MYH1: variants seen among roughly 807,000 people sequenced by gnomAD.
MYH1 encodes myosin-1.
Under a neutral mutation model 225.6 loss-of-function variants are expected in MYH1, and 214 were observed. That is an observed-to-expected ratio of 0.95 (90% CI 0.85 to 1.06). The LOEUF is 1.06. Ranked by LOEUF, MYH1 falls within the 50% of genes least tolerant of loss-of-function variation. The probability of loss-of-function intolerance (pLI) is 0.00; values close to 1 mark genes in which losing one functional copy is unlikely to be tolerated. For synonymous variants in MYH1, 774 were observed against 842.3 expected (o/e 0.92, Z 1.40); for missense variants, 2,098 against 2,344.2 (o/e 0.89, Z 2.17).
intron 14 of MYH1, among the ~76,000 whole-genome samples, chr17:10,509,872 TA>T (rs374131186): frequency 6.6e-6 from 1 of 151,394 alleles, no homozygotes; most frequent in Non-Finnish European, 1.5e-5. Flanking sequence ...TCCTATGCAA[TA>T]AAAAAAAGTT....
Position 10,497,764 on chromosome 17 carries a change from G to A in MYH1, c.4335C>T (p.Ala1445=). The change falls in exon 31 of 40, where the codon GCC becomes GCT. Residue 1445 remains alanine, a synonymous_variant. Transcript: ENST00000226207. The part of the protein sequence containing the change: ...DVERTNAACA[A]LDKKQRNFDK... The stretch of plus-strand genomic sequence containing the variant: ...CAAAGTTCCTTTGCTTTTTGTCCAG[G>A]GCGGCACAGGCAGCATTTGTCCTCT... The A allele has an allele frequency of 6.2e-7, 1 of 1,613,830 alleles. No homozygotes were observed. The highest frequency in any genetic ancestry group is 8.5e-7 in the Non-Finnish European group (1 of 1,179,952).
chr17:10,495,760 C>CAAAA lies in MYH1; in HGVS notation c.5169+186_5169+189dup, dbSNP rs3050883. ...TGAGCGACAGAGCGAGACTCCGTCTCAAAAAAAAAAAAAAAATCAACTATG... is the reference window on the plus strand; with the variant it reads ...TGAGCGACAGAGCGAGACTCCGTCTCAAAAAAAAAAAAAAAAAAAATCAACTATG... On this transcript the variant is annotated intron_variant, in intron 35 of 39. Transcript: ENST00000226207. Among the ~76,000 whole-genome samples, 178 of 42,162 alleles carry CAAAA rather than the reference C, an allele frequency of 4.2e-3. 22 individuals carry two copies. The highest frequency in any genetic ancestry group is 0.011 in the African/African-American group (153 of 13,514). 27.7% of individuals were successfully genotyped at this position (42,162 alleles called of 152,430 possible). A position where few individuals can be genotyped will look rare whatever the true frequency, so the allele number is the denominator to read the frequency against.
chr17:10,517,312 G>A (rs2073238630), intron 2 of MYH1, among the ~76,000 whole-genome samples: 1 of 152,090 alleles, frequency 6.6e-6, no homozygotes, highest in Non-Finnish European at 1.5e-5. Flanking sequence ...GTTTTGCATT[G>A]TTAAAAAATG....
intron 30 of MYH1, among the ~76,000 whole-genome samples, chr17:10,498,314 C>G (rs1476583294): frequency 6.6e-6 from 1 of 152,190 alleles, no homozygotes; most frequent in Non-Finnish European, 1.5e-5. Context: ...TTCTTGTAGG[C>G]TGTCCAACAT....
rs2286356 is a variant in MYH1 at position 10,513,709 on chromosome 17, A to G, written c.742-20T>C. 762 of 1,613,676 alleles carry G rather than the reference A, an allele frequency of 4.7e-4. 8 individuals carry two copies. The East Asian group carries it at 0.014, about 30-fold the overall frequency. ...TTTACCCTTGTAAGTAAAAAAAATG[A>G]TGTTATACCCAAAGCTTGAAGTACG... On this transcript the variant is annotated intron_variant, in intron 8 of 39. Coordinates refer to ENST00000226207, the MANE Select transcript of MYH1 (RefSeq NM_005963.4).
chr17:10,502,160 A>G (rs774439994), intron 24 of MYH1, among the ~76,000 whole-genome samples: 3 of 152,106 alleles, frequency 2.0e-5, no homozygotes, highest in Non-Finnish European at 4.4e-5. Flanking sequence ...GCATCTCCCC[A>G]CTGGAATCCA....
intron 39 of MYH1, among the ~76,000 whole-genome samples, chr17:10,493,160 A>G (rs149858939): frequency 3.0e-4 from 46 of 152,338 alleles, no homozygotes; most frequent in African/African-American, 1.0e-3. Flanking sequence ...GTGGCATTCA[A>G]ATTTAGAACA....
chr17:10,516,240 G>A lies in MYH1; in HGVS notation c.307C>T (p.Leu103=). 1 of 1,614,216 alleles carries A rather than the reference G, an allele frequency of 6.2e-7. No homozygotes were observed. The highest frequency in any genetic ancestry group is 8.5e-7 in the Non-Finnish European group (1 of 1,180,040). Residue 103 remains leucine (L), a synonymous_variant, in exon 4 of 40, where the codon CTG becomes TTG. Transcript: ENST00000226207. ...MMTHLHEPAV[L]YNLKERYAAW... ...GCGTAGCGCTCTTTGAGGTTGTACA[G>A]CACAGCAGGCTCGTGTAGATGAGTC...
intron 2 of MYH1, among the ~76,000 whole-genome samples, chr17:10,517,187 A>G (rs188059650): frequency 6.6e-6 from 1 of 152,338 alleles, no homozygotes; most frequent in Admixed American, 6.5e-5. Context: ...AACAATAGGA[A>G]TATGTTGCTA....
chr17:10,501,207 A>G lies in MYH1; in HGVS notation c.3641T>C (p.Leu1214Pro), dbSNP rs1417835465. 2.5e-6 allele frequency: 4 copies of G among 1,613,982 alleles called. No individual in the cohort carries two copies. The highest frequency in any genetic ancestry group is 3.4e-6 in the Non-Finnish European group (4 of 1,180,018). Residue 1214 changes from leucine (L) to proline (P), a missense_variant, in exon 27 of 40, where the codon CTG (leucine) becomes CCG (proline). By Grantham distance (98) the Leu-to-Pro change is moderately conservative. Coordinates refer to ENST00000226207, the MANE Select transcript of MYH1 (RefSeq NM_005963.4). ...CTCCAGCTTCTGCTTCACTCGCTGC[A>G]GGTTGTCAATCTGCTCCCCAAGCTC... ...VAELGEQIDN[L>P]QRVKQKLEKE...
Position 10,501,694 on chromosome 17 carries a change from A to G in MYH1, c.3258-10T>C. 1 of 1,614,206 alleles carries G rather than the reference A, an allele frequency of 6.2e-7. No individual in the cohort carries two copies. On this transcript the variant is annotated splice_polypyrimidine_tract_variant and intron_variant, in intron 25 of 39. Coordinates refer to ENST00000226207, the MANE Select transcript of MYH1 (RefSeq NM_005963.4). ...CATTTCAAACTCTTTCCTATTAGAA[A>G]AGCCCTTTATGTCAGTCTCAGAAAT...
intron 28 of MYH1, among the ~76,000 whole-genome samples, chr17:10,499,738 G>T (rs2073033239): frequency 6.6e-6 from 1 of 152,112 alleles, no homozygotes; most frequent in Admixed American, 6.5e-5. Context: ...TTTTATACTA[G>T]TTATCTTGAA....
At position 10,512,180 on chromosome 17, in the gene MYH1, G is replaced by C; in HGVS notation, c.1160C>G (p.Ala387Gly). The C allele has an allele frequency of 6.2e-7, 1 of 1,613,986 alleles. No homozygotes were observed. The highest frequency in any genetic ancestry group is 8.5e-7 in the Non-Finnish European group (1 of 1,179,880). The stretch of plus-strand genomic sequence containing the variant: ...AGAGTTCAGATTTTGGAGATAGGCT[G>C]CCTTGTCAGCAACTGCAGAAACATA... ...EPDGTEVADK[A>G]AYLQNLNSAD... Residue 387 changes from alanine (A) to glycine (G), a missense_variant, in exon 13 of 40, where the codon GCA (alanine) becomes GGA (glycine). Physicochemically the swap from Ala to Gly is moderately conservative, Grantham distance 60. Coordinates refer to ENST00000226207, the MANE Select transcript of MYH1 (RefSeq NM_005963.4).
Position 10,505,397 on chromosome 17 carries a change from A to C in MYH1, c.2289T>G (p.Gly763=). 1.9e-6 allele frequency: 3 copies of C among 1,614,238 alleles called. No homozygotes were observed. Among genetic ancestry groups the C allele is most frequent in the African/African-American group, 1.3e-5 (1 of 75,068 alleles). Residue 763 remains glycine, a synonymous_variant, in exon 20 of 40, where the codon GGT becomes GGG. Transcript: ENST00000226207. ...IDIDHTQYKF[G]HTKVFFKAGL... is the part of the protein sequence containing the mutation. Reference sequence around the variant, plus strand: ...ATTTACAGAATATTACCTTGGTGTGACCAAATTTATACTGGGTGTGGTCAA... The same window carrying C: ...ATTTACAGAATATTACCTTGGTGTGCCCAAATTTATACTGGGTGTGGTCAA...
In MYH1 at chr17:10,514,789, TTAAC is replaced by T. The variant is rs541561340; in HGVS notation, c.533+75_533+78del. Reference sequence around the variant, plus strand: ...TCATTCAGTGCTTTAGTAGAGAACATTAACTAATTTCTTTTTTTGGTTTGTCATT... The same window carrying T: ...TCATTCAGTGCTTTAGTAGAGAACATTAATTTCTTTTTTTGGTTTGTCATT... On this transcript the variant is annotated intron_variant, in intron 6 of 39. Coordinates refer to ENST00000226207, the MANE Select transcript of MYH1 (RefSeq NM_005963.4). The T allele has an allele frequency of 1.1e-5, 15 of 1,312,510 alleles. No individual in the cohort carries two copies. The East Asian group carries it at 3.5e-4, about 30-fold the overall frequency. The allele number at this position is 1,312,510 out of a possible 1,614,324, so 81.3% of individuals were successfully genotyped here. A position where few individuals can be genotyped will look rare whatever the true frequency, so the allele number is the denominator to read the frequency against.
intron 39 of MYH1, among the ~76,000 whole-genome samples, chr17:10,493,405 A>G (rs1401723906): frequency 6.6e-6 from 1 of 152,076 alleles, no homozygotes; most frequent in African/African-American, 2.4e-5. Flanking sequence ...TAAAATAAAA[A>G]CCATCAATGA....
intron 16 of MYH1, 125 bp downstream of exon 16, chr17:10,508,238 T>C: frequency 8.8e-7 from 1 of 1,131,608 alleles, no homozygotes; most frequent in Non-Finnish European, 1.3e-6. Flanking sequence ...GGGCTGGTCT[T>C]GAACTCCTGA....
rs747233627 is a variant in MYH1 at position 10,497,450 on chromosome 17, G to C, written c.4368C>G (p.Ile1456Met). 42 of 1,600,476 alleles carry C rather than the reference G, an allele frequency of 2.6e-5. No homozygotes were observed. Among genetic ancestry groups the C allele is most frequent in the Non-Finnish European group, 3.4e-5 (40 of 1,177,072 alleles). ...LDKKQRNFDK[I>M]LAEWKQKCEE... ...CACACTTCTGTTTCCATTCTGCCAG[G>C]ATCTGAAGGTCAAGGAATGGACAAG... The change falls in exon 32 of 40, where the codon ATC becomes ATG. Residue 1456 changes from isoleucine (I) to methionine (M), a missense_variant and splice_region_variant. By Grantham distance (10) the Ile-to-Met change is conservative (BLOSUM62 1). Coordinates refer to ENST00000226207, the MANE Select transcript of MYH1 (RefSeq NM_005963.4).
intron 5 of MYH1, among the ~76,000 whole-genome samples, chr17:10,515,143 G>GA (rs1208417137): frequency 2.0e-5 from 3 of 152,198 alleles, no homozygotes; most frequent in Admixed American, 1.3e-4. Context: ...GCATATAGCT[G>GA]AAAAATGCAT....
Sources: allele counts gnomAD v4.1 joint callset (sites outside exome capture counted in the v4.1 genomes callset), GRCh38; gene constraint gnomAD v4.1.1; transcripts MANE v1.5; gene names NCBI Gene and HGNC (gene_info 2026-07-23, HGNC 2026-07-21).